The following KIAA1328 variants were observed in gnomAD, a reference collection of about 807,000 sequenced individuals.
KIAA1328 encodes the protein protein hinderin.
Under a neutral mutation model 68.1 loss-of-function variants are expected in KIAA1328, and 52 were observed. The ratio of observed to expected loss-of-function variants is 0.76; its 90% confidence interval spans 0.61 to 0.96. The LOEUF (loss-of-function observed/expected upper bound fraction) is 0.96. Among genes scored for constraint, KIAA1328 ranks in the 40% least tolerant of loss-of-function variants. The pLI is 0.00. For synonymous variants in KIAA1328, 232 were observed against 239.4 expected (o/e 0.97, Z 0.28); for missense variants, 641 against 677.6 (o/e 0.95, Z 0.60).
chr18:37,006,423 C>A (rs1319626853), intron 6 of KIAA1328, among the ~76,000 whole-genome samples: 2 of 152,010 alleles, frequency 1.3e-5, no homozygotes, highest in African/African-American at 2.4e-5. Context: ...TTATTTTACA[C>A]CCCCAAAAAG....
intron 8 of KIAA1328, among the ~76,000 whole-genome samples, chr18:37,169,348 G>GTC (rs2059453773): frequency 1.3e-5 from 2 of 151,800 alleles, no homozygotes; most frequent in Non-Finnish European, 2.9e-5. Flanking sequence ...TGTATTTTTA[G>GTC]TAGATATGGG....
intron 6 of KIAA1328, among the ~76,000 whole-genome samples, chr18:37,030,935 T>C (rs1038533616): frequency 2.0e-4 from 30 of 152,134 alleles, no homozygotes; most frequent in African/African-American, 7.0e-4. Flanking sequence ...ATGTGGTGTT[T>C]GGTTTTCTGT....
intron 9 of KIAA1328, among the ~76,000 whole-genome samples, chr18:37,207,065 G>C (rs2060229564): frequency 6.6e-6 from 1 of 152,150 alleles, no homozygotes; most frequent in African/African-American, 2.4e-5. Context: ...CAAAAAGGTA[G>C]AAAAAGAAAG....
At chr18:36,889,965 T>G (rs2048627173) in intron 5 of KIAA1328, among the ~76,000 whole-genome samples, 1 of 152,148 alleles carries the variant, frequency 6.6e-6, no homozygotes, top group South Asian at 2.1e-4. Context: ...ACCTGTTGAG[T>G]GCTCATTGGG....
At chr18:37,101,642 A>T (rs1015725936) in intron 7 of KIAA1328, among the ~76,000 whole-genome samples, 4 of 152,194 alleles carry the variant, frequency 2.6e-5, no homozygotes. Context: ...GCAGGCCAAC[A>T]TTCAAATTCA....
chr18:36,961,404 C>G (rs530656435), intron 6 of KIAA1328, among the ~76,000 whole-genome samples: 1 of 152,220 alleles, frequency 6.6e-6, no homozygotes, highest in South Asian at 2.1e-4. Flanking sequence ...AGGATATTAT[C>G]CAGGAGAACT....
At chr18:37,211,966 T>C (rs2060325174) in intron 9 of KIAA1328, among the ~76,000 whole-genome samples, 1 of 152,208 alleles carries the variant, frequency 6.6e-6, no homozygotes, top group Non-Finnish European at 1.5e-5. Flanking sequence ...GATTATTTTC[T>C]CACTCAGAGT....
At chr18:36,903,812 G>A (rs1017569173) in intron 5 of KIAA1328, 2 of 152,076 alleles carry the variant, frequency 1.3e-5, no homozygotes, top group Non-Finnish European at 2.9e-5. Context: ...AGTGACCCTG[G>A]CATCTTTACT....
chr18:37,144,976 T>G (rs1391569585), intron 7 of KIAA1328, among the ~76,000 whole-genome samples: 1 of 152,182 alleles, frequency 6.6e-6, no homozygotes, highest in Non-Finnish European at 1.5e-5. Flanking sequence ...GGCTCATGCC[T>G]GTAATCTCAA....
intron 9 of KIAA1328, among the ~76,000 whole-genome samples, chr18:37,180,170 A>C (rs17652947): frequency 0.11 from 16,151 of 151,978 alleles, 1,083 homozygotes; most frequent in Non-Finnish European, 0.13. Flanking sequence ...AATTCTTAGC[A>C]TAGTACTTTA....
At chr18:37,017,709 T>C (rs1293311705) in intron 6 of KIAA1328, among the ~76,000 whole-genome samples, 3 of 152,176 alleles carry the variant, frequency 2.0e-5, no homozygotes, top group Admixed American at 6.5e-5. Context: ...TTTATTGTTA[T>C]AGAATGCCTT....
At chr18:37,085,299 C>G (rs1427639605) in intron 7 of KIAA1328, among the ~76,000 whole-genome samples, 6 of 152,096 alleles carry the variant, frequency 3.9e-5, no homozygotes, top group African/African-American at 1.4e-4. Context: ...TTCTCACTTC[C>G]CTCTCTTCCC....
intron 6 of KIAA1328, among the ~76,000 whole-genome samples, chr18:37,011,300 C>T (rs1324563037): frequency 6.6e-6 from 1 of 152,156 alleles, no homozygotes; most frequent in Non-Finnish European, 1.5e-5. Flanking sequence ...CACTACATTA[C>T]CTATCCACCT....
chr18:36,955,641 A>G lies in KIAA1328; in HGVS notation c.449-3667A>G, dbSNP rs78027781. Among the ~76,000 whole-genome samples the G allele has an allele frequency of 6.9e-3, 1,053 of 152,052 alleles. 6 individuals carry two copies. The highest frequency in any genetic ancestry group is 0.017 in the Middle Eastern group (5 of 294). Reference sequence around the variant, plus strand: ...CTACTCTTGTGACAAGCCCCGATCTATTTGTCTTTGAACACTTTCTTGCAT... The same window carrying G: ...CTACTCTTGTGACAAGCCCCGATCTGTTTGTCTTTGAACACTTTCTTGCAT... On this transcript the variant is annotated intron_variant, in intron 5 of 9. Transcript: ENST00000280020.
chr18:36,976,453 T>TG (rs1304369013), intron 6 of KIAA1328, among the ~76,000 whole-genome samples: 3 of 152,130 alleles, frequency 2.0e-5, no homozygotes, highest in Non-Finnish European at 1.5e-5. Context: ...ATAAAATTAT[T>TG]GCGTTCCTGC....
chr18:37,220,961 G>A (rs1477933260), intron 9 of KIAA1328, among the ~76,000 whole-genome samples: 2 of 152,078 alleles, frequency 1.3e-5, no homozygotes. Flanking sequence ...TGAGTAGCTG[G>A]GGCTACAGGC....
intron 7 of KIAA1328, among the ~76,000 whole-genome samples, chr18:37,101,617 C>G (rs1029031117): frequency 6.6e-6 from 1 of 152,148 alleles, no homozygotes; most frequent in African/African-American, 2.4e-5. Context: ...AGGAGAACTT[C>G]CCCAATCTAG....
chr18:37,184,954 G>T (rs763728747), intron 9 of KIAA1328, among the ~76,000 whole-genome samples: 1 of 152,008 alleles, frequency 6.6e-6, no homozygotes, highest in South Asian at 2.1e-4. Context: ...ACGAGGTCAG[G>T]AGATCAAGAC....
intron 5 of KIAA1328, among the ~76,000 whole-genome samples, chr18:36,918,694 C>A (rs369615239): frequency 6.6e-6 from 1 of 152,112 alleles, no homozygotes. Context: ...GGATTACATG[C>A]GTGAGCCACT....
Sources: gnomAD v4.1 joint callset for allele counts (sites outside exome capture counted in the v4.1 genomes callset) on GRCh38, gnomAD v4.1.1 for gene constraint, MANE v1.5 for transcripts, NCBI Gene and HGNC (gene_info 2026-07-23, HGNC 2026-07-21) for gene names.